The following GRAMD1C variants were observed in gnomAD, a reference collection of about 807,000 sequenced individuals.
The protein encoded by GRAMD1C is GRAM domain containing 1C.
In GRAMD1C, 89 loss-of-function variants were observed where a neutral mutation model predicts 97.8. That is an observed-to-expected ratio of 0.91 (90% CI 0.77 to 1.09). The LOEUF (loss-of-function observed/expected upper bound fraction) is 1.09. Among genes scored for constraint, GRAMD1C ranks in the 50% least tolerant of loss-of-function variants. The pLI is 0.00. For missense variants in GRAMD1C, 740 were observed against 766.4 expected (o/e 0.97, Z 0.41); for synonymous variants, 256 against 267.0 (o/e 0.96, Z 0.40).
chr3:113,904,771 TCA>T (rs1936302775), intron 8 of GRAMD1C, among the ~76,000 whole-genome samples: 1 of 152,166 alleles, frequency 6.6e-6, no homozygotes, highest in Non-Finnish European at 1.5e-5. Context: ...GGCATTATAC[TCA>T]ATTACTTAGT....
chr3:113,920,148 A>C, intron 10 of GRAMD1C: 3 of 1,414,294 alleles, frequency 2.1e-6, no homozygotes, highest in Non-Finnish European at 3.0e-6. Flanking sequence ...AACTTTCACC[A>C]GTGATTTGAA....
chr3:113,917,761 C>T (rs1000840960), intron 10 of GRAMD1C, among the ~76,000 whole-genome samples: 2 of 150,708 alleles, frequency 1.3e-5, no homozygotes, highest in South Asian at 4.2e-4. Flanking sequence ...GGTGCAATCT[C>T]GGCTCACTGC....
rs755388636 is a variant in GRAMD1C, at chr3:113,909,069, A to G, written c.901A>G (p.Asn301Asp). The G allele has an allele frequency of 1.9e-6, 3 of 1,563,326 alleles. No homozygotes were observed. The highest frequency in any genetic ancestry group is 2.6e-6 in the Non-Finnish European group (3 of 1,155,160). The change falls in exon 9 of 18, where the codon AAT (asparagine) becomes GAT (aspartate). Residue 301 changes from asparagine (N) to aspartate (D), a missense_variant. By Grantham distance (23) the Asn-to-Asp change is conservative. Coordinates refer to ENST00000358160, the MANE Select transcript of GRAMD1C (RefSeq NM_017577.5). ...ATCAAAGTCACTGGACTTGAATAAA[A>G]ATGAATATCTTTCTCTGGACAAAAG... Reference protein sequence around the residue: ...VPSKSLDLNKNEYLSLDKSST... With the variant: ...VPSKSLDLNKDEYLSLDKSST...
intron 15 of GRAMD1C, 128 bp from the exon 16 acceptor site, chr3:113,939,758 T>C (rs59292926): frequency 0.011 from 6,390 of 564,222 alleles, 326 homozygotes; most frequent in African/African-American, 0.11. Flanking sequence ...ATAATTGATT[T>C]AAATAATAAC....
Position 113,946,746 on chromosome 3 carries a change from C to T in GRAMD1C, c.*1268C>T, listed in dbSNP as rs148670799. 1.3e-5 allele frequency: 2 copies of T among 152,254 alleles called. No individual in the cohort carries two copies. The highest frequency in any genetic ancestry group is 3.9e-4 in the East Asian group (2 of 5,182). 9.4% of individuals were successfully genotyped at this position (152,254 alleles called of 1,614,324 possible). A position where few individuals can be genotyped will look rare whatever the true frequency, so the allele number is the denominator to read the frequency against. ...CTTTAATTAAATGTTTCATTTTTCT[C>T]CAGAGTCCCCAAAGCCACATGGCAT... On this transcript the variant is annotated 3_prime_UTR_variant, in exon 18 of 18. Transcript: ENST00000358160.
chr3:113,876,032 C>T (rs568882798), intron 4 of GRAMD1C, 133 bp from the exon 5 acceptor site: 1 of 598,356 alleles, frequency 1.7e-6, no homozygotes, highest in Non-Finnish European at 3.0e-6. Context: ...CTTATTAACT[C>T]CTTCAAGTCG....
At chr3:113,943,379 G>A (rs1937900212) in intron 17 of GRAMD1C, among the ~76,000 whole-genome samples, 1 of 152,236 alleles carries the variant, frequency 6.6e-6, no homozygotes, top group East Asian at 1.9e-4. Flanking sequence ...ACAAGGTTGT[G>A]CAACCATCAT....
At chr3:113,874,906 A>G (rs1244401728) in intron 3 of GRAMD1C, among the ~76,000 whole-genome samples, 1 of 152,206 alleles carries the variant, frequency 6.6e-6, no homozygotes, top group Non-Finnish European at 1.5e-5. Context: ...CTTTAAATAT[A>G]TACATCTGTT....
chr3:113,908,500 T>G (rs974644461), intron 8 of GRAMD1C, among the ~76,000 whole-genome samples: 1 of 152,212 alleles, frequency 6.6e-6, no homozygotes, highest in Non-Finnish European at 1.5e-5. Flanking sequence ...GTGACTTTTA[T>G]CTCTCCATTT....
At chr3:113,931,754 C>G (rs1208482441) in intron 11 of GRAMD1C, among the ~76,000 whole-genome samples, 6 of 152,064 alleles carry the variant, frequency 3.9e-5, no homozygotes, top group Non-Finnish European at 7.4e-5. Context: ...CACAGTGACA[C>G]TTTGTCTTTA....
chr3:113,865,031 G>A (rs1256233031), intron 2 of GRAMD1C, among the ~76,000 whole-genome samples: 1 of 152,174 alleles, frequency 6.6e-6, no homozygotes, highest in Non-Finnish European at 1.5e-5. Flanking sequence ...CATGGTTCTG[G>A]AGGATGGAAA....
chr3:113,846,824 C>T (rs184379141), intron 2 of GRAMD1C, among the ~76,000 whole-genome samples: 1 of 152,258 alleles, frequency 6.6e-6, no homozygotes, highest in Admixed American at 6.5e-5. Flanking sequence ...TGATTGCAAA[C>T]ACTTCATTTT....
intron 2 of GRAMD1C, among the ~76,000 whole-genome samples, chr3:113,862,905 C>T (rs1934442587): frequency 6.6e-6 from 1 of 152,074 alleles, no homozygotes; most frequent in African/African-American, 2.4e-5. Context: ...CATTTTACAC[C>T]CATTCAGATG....
upstream of GRAMD1C, among the ~76,000 whole-genome samples, chr3:113,834,297 A>G (rs1439655589): frequency 9.2e-5 from 14 of 152,108 alleles, no homozygotes; most frequent in Admixed American, 9.2e-4. Context: ...TTCCTGCCTC[A>G]GCCTCCCAAG....
chr3:113,837,383 GAC>G (rs1262126193), upstream of GRAMD1C, among the ~76,000 whole-genome samples: 4 of 152,186 alleles, frequency 2.6e-5, no homozygotes, highest in Non-Finnish European at 5.9e-5. Context: ...ACACACCTGT[GAC>G]ACAGTCTCAG....
chr3:113,918,150 TA>T (rs1371066081), intron 10 of GRAMD1C, among the ~76,000 whole-genome samples: 2 of 152,110 alleles, frequency 1.3e-5, no homozygotes, highest in Non-Finnish European at 1.5e-5. Context: ...TTTTGTAATT[TA>T]AAAAAATTAT....
intron 2 of GRAMD1C, among the ~76,000 whole-genome samples, chr3:113,853,358 GA>G (rs1278700376): frequency 2.0e-5 from 3 of 152,174 alleles, no homozygotes; most frequent in Non-Finnish European, 4.4e-5. Context: ...AGATGTAAAG[GA>G]AATAGTAGAG....
intron 11 of GRAMD1C, among the ~76,000 whole-genome samples, chr3:113,932,761 A>G (rs1214769336): frequency 6.6e-6 from 1 of 152,174 alleles, no homozygotes; most frequent in Non-Finnish European, 1.5e-5. Flanking sequence ...GCTGGAGTGT[A>G]GTGGTGCAGT....
At chr3:113,832,219 G>C (rs1709568192) in intron 1 of GRAMD1C, among the ~76,000 whole-genome samples, 1 of 151,812 alleles carries the variant, frequency 6.6e-6, no homozygotes, top group Non-Finnish European at 1.5e-5. Context: ...GTAGAGATAG[G>C]GTTTCACCAT....
Sources: allele counts gnomAD v4.1 joint callset (sites outside exome capture counted in the v4.1 genomes callset), GRCh38; gene constraint gnomAD v4.1.1; transcripts MANE v1.5; gene names NCBI Gene and HGNC (gene_info 2026-07-23, HGNC 2026-07-21).